Variants in RIMS1 observed in about 807,000 individuals in gnomAD.
RIMS1 encodes the protein regulating synaptic membrane exocytosis protein 1.
RIMS1 carries 83 observed loss-of-function variants against 214.1 expected under a neutral mutation model. The observed-to-expected ratio is 0.39, with a 90% CI of 0.32 to 0.47. The LOEUF is 0.47. Ranked by LOEUF, RIMS1 falls within the 20% of genes least tolerant of loss-of-function variation. RIMS1 has a pLI of 0.99. For missense variants in RIMS1, 2,050 were observed against 2,161.8 expected, an observed-to-expected ratio of 0.95 and a Z score of 1.03; for synonymous variants, 793 against 786.8, an observed-to-expected ratio of 1.01 and a Z score of -0.13.
At position 72,179,909 on chromosome 6, in the gene RIMS1, G is replaced by T; in HGVS notation, c.806G>T (p.Arg269Ile). Residue 269 changes from arginine (R) to isoleucine (I), a missense_variant, in exon 5 of 34, where the codon AGA (arginine) becomes ATA (isoleucine). Transcript: ENST00000521978. Reference protein sequence around the residue: ...ASSRSRSEPPRERKKTPGLSE... With the variant: ...ASSRSRSEPPIERKKTPGLSE... ...TCCAGGTCTAGAAGTGAACCTCCTA[G>T]AGAGAGGTAATAGTTCTTTCACCCT... is the stretch of plus-strand genomic sequence containing the variant. 3 of 1,492,438 alleles carry T rather than the reference G, an allele frequency of 2.0e-6. No individual in the cohort carries two copies. The highest frequency in any genetic ancestry group is 2.7e-6 in the Non-Finnish European group (3 of 1,120,024). 92.4% of individuals were successfully genotyped at this position (1,492,438 alleles called of 1,614,324 possible). A position where few individuals can be genotyped will look rare whatever the true frequency, so the allele number is the denominator to read the frequency against.
chr6:72,058,020 T>C (rs1260547338), intron 2 of RIMS1, among the ~76,000 whole-genome samples: 1 of 152,252 alleles, frequency 6.6e-6, no homozygotes, highest in Non-Finnish European at 1.5e-5. Context: ...AAATCAGTAT[T>C]GCTTTACAAA....
chr6:71,900,252 C>G (rs1773189248), intron 1 of RIMS1, among the ~76,000 whole-genome samples: 1 of 151,886 alleles, frequency 6.6e-6, no homozygotes, highest in Non-Finnish European at 1.5e-5. Flanking sequence ...GCCTGAAGCA[C>G]TGGAAGGAAG....
chr6:72,365,549 A>G (rs2097969325), intron 29 of RIMS1, among the ~76,000 whole-genome samples: 1 of 152,172 alleles, frequency 6.6e-6, no homozygotes. Flanking sequence ...TTATATGTCT[A>G]TTGACTATAT....
At chr6:72,007,120 A>C (rs528877058) in intron 2 of RIMS1, among the ~76,000 whole-genome samples, 4 of 152,306 alleles carry the variant, frequency 2.6e-5, no homozygotes, top group Admixed American at 1.3e-4. Context: ...CTCCTCTGAG[A>C]CAAAACTTCC....
At chr6:72,097,257 A>T in intron 3 of RIMS1, 95 bp downstream of exon 3, 1 of 1,078,764 alleles carries the variant, frequency 9.3e-7, no homozygotes, top group Admixed American at 1.9e-5. Flanking sequence ...GAAAGCAGAC[A>T]TGTGCATAAA....
intron 6 of RIMS1, chr6:72,213,287 C>T: frequency 7.5e-7 from 1 of 1,336,056 alleles, no homozygotes; most frequent in South Asian, 1.4e-5. Context: ...CTATATTTAA[C>T]ACTCCCTCTG....
intron 4 of RIMS1, among the ~76,000 whole-genome samples, chr6:72,106,564 A>G (rs929421905): frequency 2.6e-5 from 4 of 152,200 alleles, no homozygotes; most frequent in African/African-American, 9.6e-5. Context: ...GACGGACAGT[A>G]TCACAGAAGT....
chr6:71,909,969 C>T (rs1193332716), intron 1 of RIMS1, among the ~76,000 whole-genome samples: 3 of 152,126 alleles, frequency 2.0e-5, no homozygotes, highest in Non-Finnish European at 4.4e-5. Context: ...TCTTTCTAAA[C>T]GCTAATTATT....
At chr6:71,993,720 T>C (rs1283988965) in intron 2 of RIMS1, among the ~76,000 whole-genome samples, 1 of 152,194 alleles carries the variant, frequency 6.6e-6, no homozygotes. Context: ...TTTTTATTCT[T>C]TTCTAGGTTT....
intron 9 of RIMS1, among the ~76,000 whole-genome samples, chr6:72,238,882 C>A (rs989162270): frequency 6.6e-6 from 1 of 151,956 alleles, no homozygotes; most frequent in Non-Finnish European, 1.5e-5. Context: ...TATTTGTTTA[C>A]CAGGATATCA....
intron 4 of RIMS1, among the ~76,000 whole-genome samples, chr6:72,105,528 CATTCATTT>C (rs2034569421): frequency 6.6e-6 from 1 of 152,008 alleles, no homozygotes; most frequent in Non-Finnish European, 1.5e-5. Flanking sequence ...TACATGAACT[CATTCATTT>C]ATTCATTTAT....
intron 29 of RIMS1, among the ~76,000 whole-genome samples, chr6:72,364,430 G>A (rs1487467414): frequency 6.6e-6 from 1 of 152,168 alleles, no homozygotes; most frequent in East Asian, 1.9e-4. Flanking sequence ...CATGCTACCT[G>A]TGAAATGTGA....
rs148428102 is a variant in RIMS1, at chr6:71,923,662, G to T, written c.164+36475G>T. On this transcript the variant is annotated intron_variant, in intron 1 of 33. Coordinates refer to ENST00000521978, the MANE Select transcript of RIMS1 (RefSeq NM_014989.7). ...GCTCACCGCAATCACAGCCTCTCAGGTTCAAGCGATTCTCCTGCCTCAGCC... is the reference window on the plus strand; with the variant it reads ...GCTCACCGCAATCACAGCCTCTCAGTTTCAAGCGATTCTCCTGCCTCAGCC... Among the ~76,000 whole-genome samples the T allele has an allele frequency of 6.1e-3, 924 of 152,094 alleles. 8 individuals carry two copies. Among genetic ancestry groups the T allele is most frequent in the African/African-American group, 0.021 (865 of 41,472 alleles).
At chr6:72,016,739 CAGAA>C (rs1364293654) in intron 2 of RIMS1, among the ~76,000 whole-genome samples, 2 of 151,992 alleles carry the variant, frequency 1.3e-5, no homozygotes, top group Non-Finnish European at 2.9e-5. Context: ...CTGTATTTGA[CAGAA>C]AGAGAATGAT....
chr6:72,167,968 G>A (rs948802651), intron 4 of RIMS1, among the ~76,000 whole-genome samples: 6 of 150,510 alleles, frequency 4.0e-5, no homozygotes, highest in Non-Finnish European at 7.4e-5. Flanking sequence ...TTCTTTATGT[G>A]ATTTTTGGCA....
chr6:72,056,691 T>C lies in RIMS1; in HGVS notation c.246-40258T>C, dbSNP rs149895553. On this transcript the variant is annotated intron_variant, in intron 2 of 33. Coordinates refer to ENST00000521978, the MANE Select transcript of RIMS1 (RefSeq NM_014989.7). ...ATATGACCATTATCTTTTAAATGGG[T>C]AGTTGTCTTAGAATATTTGTCTCAA... Among the ~76,000 whole-genome samples the C allele has an allele frequency of 2.1e-3, 315 of 152,330 alleles. 2 individuals carry two copies. The highest frequency in any genetic ancestry group is 9.7e-3 in the South Asian group (47 of 4,830).
intron 6 of RIMS1, among the ~76,000 whole-genome samples, chr6:72,227,283 CTTATAA>C (rs1405276029): frequency 2.6e-5 from 4 of 151,828 alleles, no homozygotes; most frequent in Non-Finnish European, 4.4e-5. Context: ...GACAGAAATG[CTTATAA>C]TTATATAAAA....
chr6:72,060,887 A>C (rs1827670850), intron 2 of RIMS1, among the ~76,000 whole-genome samples: 1 of 152,304 alleles, frequency 6.6e-6, no homozygotes, highest in Non-Finnish European at 1.5e-5. Flanking sequence ...TGTACTTAAC[A>C]CGTTTCCTTA....
At chr6:72,272,621 C>G (rs2084004799) in intron 22 of RIMS1, among the ~76,000 whole-genome samples, 1 of 152,070 alleles carries the variant, frequency 6.6e-6, no homozygotes, top group South Asian at 2.1e-4. Flanking sequence ...ATAATTATGC[C>G]ATTTTTACTT....
Sources: gnomAD v4.1 joint callset for allele counts (sites outside exome capture counted in the v4.1 genomes callset) on GRCh38, gnomAD v4.1.1 for gene constraint, MANE v1.5 for transcripts, NCBI Gene and HGNC (gene_info 2026-07-23, HGNC 2026-07-21) for gene names.